DOCK1: variants seen among roughly 807,000 people sequenced by gnomAD.
DOCK1 encodes the protein dedicator of cytokinesis protein 1.
DOCK1 carries 138 observed loss-of-function variants against 262.7 expected under a neutral mutation model. The observed-to-expected ratio is 0.53, with a 90% CI of 0.46 to 0.61. The LOEUF (loss-of-function observed/expected upper bound fraction) is 0.61. DOCK1 is among the 20% of genes least tolerant of loss of function. The pLI, the probability that DOCK1 is intolerant of heterozygous loss-of-function variation, is 0.00. For synonymous variants in DOCK1, 866 were observed against 867.4 expected, an observed-to-expected ratio of 1.00 and a Z score of 0.03; for missense variants, 1,908 against 2,370.7, an observed-to-expected ratio of 0.80 and a Z score of 4.05.
In DOCK1 at chr10:126,995,168, C is replaced by T. The variant is rs528883097; in HGVS notation, c.474-1580C>T. On this transcript the variant is annotated intron_variant, in intron 6 of 51. Coordinates refer to ENST00000623213, the MANE Select transcript of DOCK1 (RefSeq NM_001290223.2). This position sits in a 1 kb window ranked among gnomAD's most constrained non-coding sequence, Gnocchi z 5.8. ...CCTCACTTCTAGACGGGATGACGGC[C>T]GGGAAGAGGCGCTCCTCACTTCCCA... Among the ~76,000 whole-genome samples, 152 of 151,574 alleles carry T rather than the reference C, an allele frequency of 1.0e-3. 3 individuals carry two copies. In the South Asian group the frequency reaches 0.031, roughly 30 times the overall value.
chr10:126,945,674 T>C lies in DOCK1; in HGVS notation c.47-25028T>C, dbSNP rs996520539. The stretch of plus-strand genomic sequence containing the variant: ...GTCAAATACTCTTTACCTGTGGACA[T>C]GCTCAGCTGTGCATCTGGTTTTGCT... On this transcript the variant is annotated intron_variant, in intron 1 of 51. Transcript: ENST00000623213. Among the ~76,000 whole-genome samples, 882 of 152,324 alleles carry C rather than the reference T, an allele frequency of 5.8e-3. 9 individuals carry two copies. The highest frequency in any genetic ancestry group is 0.02 in the African/African-American group (846 of 41,572).
intron 47 of DOCK1, among the ~76,000 whole-genome samples, chr10:127,428,737 A>G (rs1167668282): frequency 7.3e-6 from 1 of 136,126 alleles, no homozygotes; most frequent in East Asian, 2.3e-4. Context: ...TGTCCTGTGG[A>G]TTGGGGTGCT....
intron 29 of DOCK1, among the ~76,000 whole-genome samples, chr10:127,271,038 CAT>C (rs1045205561): frequency 5.3e-5 from 8 of 151,404 alleles, no homozygotes; most frequent in African/African-American, 1.9e-4. Flanking sequence ...CACACACACA[CAT>C]ATATAAATGT....
chr10:126,945,916 G>GT (rs1391172446), intron 1 of DOCK1, among the ~76,000 whole-genome samples: 2 of 152,128 alleles, frequency 1.3e-5, no homozygotes, highest in Non-Finnish European at 2.9e-5. Flanking sequence ...TTTATTGAGC[G>GT]TAACAACTTG....
chr10:127,132,329 CAACTCTATT>C (rs943787173), intron 27 of DOCK1, among the ~76,000 whole-genome samples: 3 of 152,194 alleles, frequency 2.0e-5, no homozygotes, highest in African/African-American at 7.2e-5. Flanking sequence ...AAAACCAAAA[CAACTCTATT>C]TGGCAGTTGC....
At chr10:127,272,108 G>A (rs2060591501) in intron 29 of DOCK1, 1 of 152,212 alleles carries the variant, frequency 6.6e-6, no homozygotes, top group African/African-American at 2.4e-5. Flanking sequence ...TTTCCCATAA[G>A]ACTTCAGAGA....
chr10:127,427,001 G>A (rs994749085), intron 47 of DOCK1, among the ~76,000 whole-genome samples: 1 of 152,216 alleles, frequency 6.6e-6, no homozygotes, highest in Admixed American at 6.5e-5. Context: ...GCAGCTCAGA[G>A]TGGTGCTCCC....
chr10:127,010,282 C>T (rs2041328096), intron 11 of DOCK1, among the ~76,000 whole-genome samples: 1 of 152,142 alleles, frequency 6.6e-6, no homozygotes, highest in African/African-American at 2.4e-5. Flanking sequence ...GCCTGGCCAA[C>T]ATGGTGAAAC....
chr10:127,086,761 C>T (rs2047223255), intron 23 of DOCK1, among the ~76,000 whole-genome samples: 1 of 152,000 alleles, frequency 6.6e-6, no homozygotes, highest in Non-Finnish European at 1.5e-5. Flanking sequence ...TGGAGACACT[C>T]ACGTCAAAGG....
intron 22 of DOCK1, among the ~76,000 whole-genome samples, chr10:127,053,912 C>T (rs2044941578): frequency 1.3e-5 from 2 of 152,114 alleles, no homozygotes; most frequent in Admixed American, 6.5e-5. Flanking sequence ...TGTGGGTGAC[C>T]TGCCATGAGT....
chr10:127,091,718 C>A (rs1314319532), intron 23 of DOCK1, among the ~76,000 whole-genome samples: 1 of 152,152 alleles, frequency 6.6e-6, no homozygotes, highest in African/African-American at 2.4e-5. Context: ...TGTCAAAATG[C>A]AGCATTCGTA....
intron 29 of DOCK1, among the ~76,000 whole-genome samples, chr10:127,259,710 C>G (rs1482135018): frequency 6.6e-6 from 1 of 152,134 alleles, no homozygotes; most frequent in Non-Finnish European, 1.5e-5. Context: ...GGATGGGCTC[C>G]CTGAAGTTGC....
intron 27 of DOCK1, among the ~76,000 whole-genome samples, chr10:127,199,928 CAG>C (rs1223502041): frequency 1.3e-5 from 2 of 152,132 alleles, no homozygotes; most frequent in African/African-American, 4.8e-5. Context: ...GTATCCTCTC[CAG>C]TGTGCAAGGC....
chr10:126,951,445 G>C (rs2036231042), intron 1 of DOCK1, among the ~76,000 whole-genome samples: 1 of 151,646 alleles, frequency 6.6e-6, no homozygotes, highest in Non-Finnish European at 1.5e-5. Context: ...TGTTGGTAGT[G>C]TTGGTAGTAT....
intron 43 of DOCK1, among the ~76,000 whole-genome samples, chr10:127,414,141 A>G (rs907827708): frequency 1.3e-5 from 2 of 152,062 alleles, no homozygotes; most frequent in African/African-American, 4.8e-5. Context: ...CGAAGTCCTG[A>G]GCTCAGGCAA....
intron 23 of DOCK1, among the ~76,000 whole-genome samples, chr10:127,104,602 G>T (rs1440633850): frequency 6.6e-6 from 1 of 152,160 alleles, no homozygotes; most frequent in East Asian, 1.9e-4. Context: ...TTCTGTAATT[G>T]CGTAGTATTT....
At chr10:127,090,705 A>G (rs2047469014) in intron 23 of DOCK1, among the ~76,000 whole-genome samples, 1 of 152,072 alleles carries the variant, frequency 6.6e-6, no homozygotes, top group African/African-American at 2.4e-5. Context: ...TTCTGTCTCT[A>G]CGATTAGCTT....
intron 32 of DOCK1, among the ~76,000 whole-genome samples, chr10:127,361,574 G>C (rs566608903): frequency 6.6e-6 from 1 of 152,282 alleles, no homozygotes; most frequent in South Asian, 2.1e-4. Flanking sequence ...TATTTACAGA[G>C]GTGTCAGATA....
At chr10:127,048,589 G>A (rs1285709591) in intron 21 of DOCK1, among the ~76,000 whole-genome samples, 1 of 152,146 alleles carries the variant, frequency 6.6e-6, no homozygotes, top group Admixed American at 6.5e-5. Flanking sequence ...CCTAGCCAAA[G>A]GTCTTAACAA....
Sources: allele counts gnomAD v4.1 joint callset (sites outside exome capture counted in the v4.1 genomes callset), GRCh38; gene constraint gnomAD v4.1.1; non-coding constraint Gnocchi (gnomAD v3.1); transcripts MANE v1.5; gene names NCBI Gene and HGNC (gene_info 2026-07-23, HGNC 2026-07-21).